Variants in SPAG16 observed in about 807,000 individuals in gnomAD.
SPAG16 encodes the protein sperm associated antigen 16.
Under a neutral mutation model 80.4 loss-of-function variants are expected in SPAG16, and 86 were observed. That is an observed-to-expected ratio of 1.07 (90% CI 0.90 to 1.28). The LOEUF is 1.28. Ranked by LOEUF, SPAG16 falls within the 50% of genes most tolerant of loss-of-function variation. The pLI, the probability that SPAG16 is intolerant of heterozygous loss-of-function variation, is 0.00. For synonymous variants in SPAG16, 294 were observed against 265.9 expected, an observed-to-expected ratio of 1.11 and a Z score of -1.03; for missense variants, 870 against 765.3, an observed-to-expected ratio of 1.14 and a Z score of -1.61.
intron 12 of SPAG16, among the ~76,000 whole-genome samples, chr2:213,973,513 G>A (rs1047683065): frequency 6.6e-6 from 1 of 152,122 alleles, no homozygotes; most frequent in East Asian, 1.9e-4. Flanking sequence ...CAGAACCAGA[G>A]GCCAGGGTTC....
intron 15 of SPAG16, among the ~76,000 whole-genome samples, chr2:214,223,244 G>T (rs948684682): frequency 6.6e-6 from 1 of 151,990 alleles, no homozygotes; most frequent in Non-Finnish European, 1.5e-5. Context: ...AAGCATATAG[G>T]TCATTAGCAA....
intron 13 of SPAG16, among the ~76,000 whole-genome samples, chr2:214,051,752 GC>G (rs146994664): frequency 6.6e-6 from 1 of 152,288 alleles, no homozygotes; most frequent in African/African-American, 2.4e-5. Flanking sequence ...TGAGAAATCT[GC>G]CTTCCAGGTC....
chr2:213,450,432 G>A (rs374629326), intron 9 of SPAG16, among the ~76,000 whole-genome samples: 101 of 152,262 alleles, frequency 6.6e-4, no homozygotes, highest in African/African-American at 2.1e-3. Context: ...GCTATATTGC[G>A]TATCATTTAT....
intron 13 of SPAG16, among the ~76,000 whole-genome samples, chr2:214,041,421 A>C (rs1345648805): frequency 1.3e-5 from 2 of 148,788 alleles, no homozygotes; most frequent in Non-Finnish European, 3.0e-5. Context: ...TCTACATTTT[A>C]ATGGTCTAGG....
chr2:213,730,359 T>G (rs1215814642), intron 10 of SPAG16, among the ~76,000 whole-genome samples: 1 of 152,196 alleles, frequency 6.6e-6, no homozygotes, highest in Non-Finnish European at 1.5e-5. Flanking sequence ...GGGAAATCAG[T>G]AGCATATTTT....
chr2:214,091,041 G>A (rs1219606153), intron 13 of SPAG16, among the ~76,000 whole-genome samples: 1 of 152,022 alleles, frequency 6.6e-6, no homozygotes, highest in Non-Finnish European at 1.5e-5. Flanking sequence ...AATGTTTCAT[G>A]TGTGATAAAA....
intron 9 of SPAG16, among the ~76,000 whole-genome samples, chr2:213,393,867 C>A (rs917128202): frequency 6.6e-6 from 1 of 151,888 alleles, no homozygotes; most frequent in Admixed American, 6.6e-5. Flanking sequence ...TGAACGTGTT[C>A]TTTTTCATAT....
chr2:213,953,118 AG>A lies in SPAG16; in HGVS notation c.1400+22974del, dbSNP rs1441847230. ...GTAGTTCAAAAGAAGGACACTATGAAGAATCAGCATAAAGGTCTTTCTGTGA... is the reference window on the plus strand; with the variant it reads ...GTAGTTCAAAAGAAGGACACTATGAAAATCAGCATAAAGGTCTTTCTGTGA... On this transcript the variant is annotated intron_variant, in intron 12 of 15. Coordinates refer to ENST00000331683, the MANE Select transcript of SPAG16 (RefSeq NM_024532.5). Among the ~76,000 whole-genome samples, 9 of 152,170 alleles carry A rather than the reference AG, an allele frequency of 5.9e-5. No individual in the cohort carries two copies. The East Asian group carries it at 1.7e-3, about 29-fold the overall frequency.
intron 5 of SPAG16, among the ~76,000 whole-genome samples, chr2:213,321,165 AAGTC>A (rs1211611641): frequency 6.6e-6 from 1 of 152,092 alleles, no homozygotes; most frequent in Non-Finnish European, 1.5e-5. Flanking sequence ...ATACACAAAA[AAGTC>A]AGGTTGCAGA....
At chr2:213,780,961 C>CAAATGTCT (rs1179881883) in intron 10 of SPAG16, among the ~76,000 whole-genome samples, 13 of 152,182 alleles carry the variant, frequency 8.5e-5, no homozygotes, top group African/African-American at 3.1e-4. Flanking sequence ...TGGTAGTCCA[C>CAAATGTCT]AGAAGACTAG....
chr2:214,377,605 T>C (rs1036489482), intron 15 of SPAG16, among the ~76,000 whole-genome samples: 1 of 151,032 alleles, frequency 6.6e-6, no homozygotes, highest in African/African-American at 2.4e-5. Flanking sequence ...ATCGACTGTT[T>C]ACGTTATTGG....
At chr2:213,926,700 A>G (rs1387302046) in intron 11 of SPAG16, among the ~76,000 whole-genome samples, 1 of 151,936 alleles carries the variant, frequency 6.6e-6, no homozygotes, top group Non-Finnish European at 1.5e-5. Context: ...ATTTCCTTAT[A>G]TACTTTACTT....
chr2:213,740,206 T>G (rs2067481739), intron 10 of SPAG16, among the ~76,000 whole-genome samples: 1 of 152,186 alleles, frequency 6.6e-6, no homozygotes, highest in African/African-American at 2.4e-5. Context: ...ACAAATTATT[T>G]TTAGTAATGT....
intron 10 of SPAG16, among the ~76,000 whole-genome samples, chr2:213,654,611 G>C (rs1476305176): frequency 6.6e-6 from 1 of 150,828 alleles, no homozygotes. Flanking sequence ...CAGCTACTCG[G>C]GAGGCTGAGG....
intron 12 of SPAG16, among the ~76,000 whole-genome samples, chr2:214,009,004 C>T (rs2047162490): frequency 6.6e-6 from 1 of 152,116 alleles, no homozygotes; most frequent in African/African-American, 2.4e-5. Flanking sequence ...CTGAGATATG[C>T]AGTAAATTAT....
At chr2:213,643,367 TA>T in intron 10 of SPAG16, among the ~76,000 whole-genome samples, 1 of 30,948 alleles carries the variant, frequency 3.2e-5, no homozygotes, top group Non-Finnish European at 5.7e-5. Flanking sequence ...TATATATATA[TA>T]TATATATATA....
chr2:213,325,599 A>G (rs183042802), intron 5 of SPAG16, among the ~76,000 whole-genome samples: 79 of 147,328 alleles, frequency 5.4e-4, no homozygotes, highest in Middle Eastern at 3.4e-3. Flanking sequence ...AGTTGAAAAT[A>G]TAACTTGATT....
chr2:214,378,019 C>A (rs1041549982), intron 15 of SPAG16, among the ~76,000 whole-genome samples: 1 of 152,010 alleles, frequency 6.6e-6, no homozygotes, highest in East Asian at 1.9e-4. Flanking sequence ...GTATCAGAGC[C>A]GAGAAAGGAG....
chr2:213,577,257 A>C (rs1468152945), intron 10 of SPAG16, among the ~76,000 whole-genome samples: 1 of 152,194 alleles, frequency 6.6e-6, no homozygotes, highest in Non-Finnish European at 1.5e-5. Context: ...AACCAGAAGT[A>C]CATCCTTGGT....
Sources: gnomAD v4.1 joint callset for allele counts (sites outside exome capture counted in the v4.1 genomes callset) on GRCh38, gnomAD v4.1.1 for gene constraint, MANE v1.5 for transcripts, NCBI Gene and HGNC (gene_info 2026-07-23, HGNC 2026-07-21) for gene names.